Variants in USP34 observed in about 807,000 individuals in gnomAD.
The protein encoded by USP34 is ubiquitin carboxyl-terminal hydrolase 34.
USP34 carries 70 observed loss-of-function variants against 460.3 expected under a neutral mutation model. That is an observed-to-expected ratio of 0.15 (90% CI 0.13 to 0.19). The LOEUF is 0.19. Ranked by LOEUF, USP34 falls within the 10% of genes least tolerant of loss-of-function variation. USP34 has a pLI of 1.00. For missense variants in USP34, 3,985 were observed against 4,236.2 expected (o/e 0.94, Z 1.65); for synonymous variants, 1,647 against 1,405.3 (o/e 1.17, Z -3.85).
At chr2:61,314,392 C>T (rs1690681640) in intron 25 of USP34, among the ~76,000 whole-genome samples, 193 bp downstream of exon 25, 1 of 151,982 alleles carries the variant, frequency 6.6e-6, no homozygotes, top group African/African-American at 2.4e-5. Flanking sequence ...ATCAGGAACC[C>T]GTATTGCCTA....
At chr2:61,362,995 T>C (rs1203278800) in intron 10 of USP34, among the ~76,000 whole-genome samples, 3 of 152,208 alleles carry the variant, frequency 2.0e-5, no homozygotes, top group African/African-American at 7.2e-5. Flanking sequence ...AGAATATTTT[T>C]TGTAAAACTC....
chr2:61,396,010 T>C, intron 3 of USP34, among the ~76,000 whole-genome samples: 1 of 145,872 alleles, frequency 6.9e-6, no homozygotes, highest in Non-Finnish European at 1.5e-5. Flanking sequence ...TGAGCTGAAA[T>C]CACGCCATTA....
In USP34 at chr2:61,470,983, G is replaced by T. The variant is rs1695944937; in HGVS notation, c.-291C>A. 1.4e-5 allele frequency among the ~76,000 whole-genome samples: 2 copies of T among 141,720 alleles called. No individual in the cohort carries two copies. The highest frequency in any genetic ancestry group is 2.2e-4 in the East Asian group (1 of 4,496). The allele number at this position is 141,720 out of a possible 152,430, so 93.0% of individuals were successfully genotyped here. ...GGGGAAGGACGGGGGGAGGGGAGAG[G>T]GGGGGAGGGGGCGGGTGGGGAGAGA... On this transcript the variant is annotated 5_prime_UTR_variant, in exon 1 of 80. Transcript: ENST00000398571.
chr2:61,352,585 CG>C (rs1691972537), intron 10 of USP34, among the ~76,000 whole-genome samples: 4 of 150,718 alleles, frequency 2.7e-5, no homozygotes, highest in African/African-American at 9.8e-5. Flanking sequence ...GCCTCAGCCT[CG>C]CAAAGTGCTG....
intron 1 of USP34, among the ~76,000 whole-genome samples, chr2:61,440,831 TAAAA>T (rs573344581): frequency 7.0e-6 from 1 of 143,164 alleles, no homozygotes; most frequent in Non-Finnish European, 1.5e-5. Flanking sequence ...TTTTTTAATT[TAAAA>T]AAAAAAAAAA....
Position 61,223,231 on chromosome 2 carries a change from A to G in USP34, c.7644+17T>C. The G allele has an allele frequency of 6.2e-7, 1 of 1,613,980 alleles. No individual in the cohort carries two copies. Among genetic ancestry groups the G allele is most frequent in the Non-Finnish European group, 8.5e-7 (1 of 1,179,916 alleles). ...TTTTGTGATGATCAAATTGTCTAAT[A>G]TTAGAGAATGTACTACCTTTCCTCC... On this transcript the variant is annotated intron_variant, in intron 63 of 79. Coordinates refer to ENST00000398571, the MANE Select transcript of USP34 (RefSeq NM_014709.4).
intron 1 of USP34, among the ~76,000 whole-genome samples, chr2:61,451,443 G>A (rs1361484528): frequency 2.0e-5 from 3 of 151,904 alleles, no homozygotes; most frequent in East Asian, 1.9e-4. Context: ...CCAGCACTTC[G>A]GGAGGCCAAG....
At position 61,204,380 on chromosome 2, in the gene USP34, A is replaced by G; in HGVS notation, c.9260T>C (p.Met3087Thr). ...HCTYHHSNIPMSLGPYFPCRE... is the reference protein window; with the variant it reads ...HCTYHHSNIPTSLGPYFPCRE... ...ACAAGGGAAATAAGGTCCAAGAGAC[A>G]CTAAGATATTAAAAGTGTACAGTAA... Residue 3087 changes from methionine to threonine, a missense_variant and splice_region_variant, in exon 74 of 80, where the codon ATG becomes ACG. Transcript: ENST00000398571. The G allele has an allele frequency of 6.2e-7, 1 of 1,614,174 alleles. No homozygotes were observed. The highest frequency in any genetic ancestry group is 1.7e-5 in the Admixed American group (1 of 60,014).
At chr2:61,447,880 TAATTTTTGTATTTTTA>T (rs1162090825) in intron 1 of USP34, among the ~76,000 whole-genome samples, 3 of 152,136 alleles carry the variant, frequency 2.0e-5, no homozygotes, top group Admixed American at 2.0e-4. Flanking sequence ...CACACCAAAC[TAATTTTTGTATTTTTA>T]GTAGAGACAA....
chr2:61,214,876 T>TA (rs1687355948), intron 67 of USP34, among the ~76,000 whole-genome samples, 182 bp from the exon 68 acceptor site: 1 of 152,232 alleles, frequency 6.6e-6, no homozygotes, highest in African/African-American at 2.4e-5. Context: ...CAAGAGGTGA[T>TA]AAAAATAGAT....
chr2:61,452,922 A>C (rs1034107484), intron 1 of USP34, among the ~76,000 whole-genome samples: 1 of 124,416 alleles, frequency 8.0e-6, no homozygotes, highest in Non-Finnish European at 1.8e-5. Context: ...AAAAAAAAAA[A>C]AAAAACACCC....
intron 67 of USP34, among the ~76,000 whole-genome samples, chr2:61,218,815 C>T (rs1466125335): frequency 1.3e-5 from 2 of 152,214 alleles, no homozygotes; most frequent in East Asian, 3.9e-4. Flanking sequence ...GATGAAGTGC[C>T]CTTTGCCATC....
chr2:61,300,611 C>T (rs1014176446), intron 29 of USP34, among the ~76,000 whole-genome samples: 4 of 151,396 alleles, frequency 2.6e-5, no homozygotes, highest in African/African-American at 9.7e-5. Flanking sequence ...GCCTGACCAA[C>T]ACAGTGAAAC....
At chr2:61,349,038 T>A in intron 13 of USP34, 152 bp from the exon 14 acceptor site, 2 of 1,123,956 alleles carry the variant, frequency 1.8e-6, no homozygotes, top group East Asian at 2.6e-5. Flanking sequence ...CATTTGCTCA[T>A]GATTTCTAAA....
chr2:61,319,344 A>C lies in USP34; in HGVS notation c.3014-17T>G. ...AACTTAACCCTAGATAAAAATTATAAATTTTATACTTTATTAACTACATAC... is the reference window on the plus strand; with the variant it reads ...AACTTAACCCTAGATAAAAATTATACATTTTATACTTTATTAACTACATAC... On this transcript the variant is annotated splice_polypyrimidine_tract_variant and intron_variant, in intron 21 of 79. Coordinates refer to ENST00000398571, the MANE Select transcript of USP34 (RefSeq NM_014709.4). 1 of 1,500,856 alleles carries C rather than the reference A, an allele frequency of 6.7e-7. No homozygotes were observed. The highest frequency in any genetic ancestry group is 8.9e-7 in the Non-Finnish European group (1 of 1,129,784). The allele number at this position is 1,500,856 out of a possible 1,614,324, so 93.0% of individuals were successfully genotyped here.
At chr2:61,301,241 T>G in intron 28 of USP34, 81 bp from the exon 29 acceptor site, 1 of 1,515,848 alleles carries the variant, frequency 6.6e-7, no homozygotes, top group South Asian at 1.3e-5. Flanking sequence ...TAGAATCACT[T>G]AAAATTTTAA....
rs747448678 is a variant in USP34, at chr2:61,470,693, C to A, written c.-1G>T. On this transcript the variant is annotated 5_prime_UTR_variant, in exon 1 of 80. Transcript: ENST00000398571. ...CCAGGTCTGCGCAGTTCTCGCACAT[C>A]GTTCGGCCGCCGCCCCCCCCCTCCC... The A allele has an allele frequency of 1.3e-6, 2 of 1,591,560 alleles. No homozygotes were observed. Among genetic ancestry groups the A allele is most frequent in the East Asian group, 2.4e-5 (1 of 42,046 alleles).
intron 2 of USP34, among the ~76,000 whole-genome samples, chr2:61,414,692 T>C (rs1270394451): frequency 6.6e-6 from 1 of 152,038 alleles, no homozygotes; most frequent in African/African-American, 2.4e-5. Flanking sequence ...TTACTGAAAA[T>C]GAAAGTATAT....
At chr2:61,465,035 C>T (rs1343613376) in intron 1 of USP34, among the ~76,000 whole-genome samples, 1 of 152,096 alleles carries the variant, frequency 6.6e-6, no homozygotes. Flanking sequence ...CTCAATACAT[C>T]CAAGCTTTTT....
Sources: gnomAD v4.1 joint callset for allele counts (sites outside exome capture counted in the v4.1 genomes callset) on GRCh38, gnomAD v4.1.1 for gene constraint, MANE v1.5 for transcripts, NCBI Gene and HGNC (gene_info 2026-07-23, HGNC 2026-07-21) for gene names.